RALB: variants seen among roughly 807,000 people sequenced by gnomAD.
RALB encodes RAS like proto-oncogene B, also known as ras-related protein Ral-B.
In RALB, 16 loss-of-function variants were observed where a neutral mutation model predicts 21.3. That is an observed-to-expected ratio of 0.75 (90% CI 0.51 to 1.14). The LOEUF (loss-of-function observed/expected upper bound fraction) is 1.14. Ranked by LOEUF, RALB falls within the 50% of genes most tolerant of loss-of-function variation. The pLI, the probability that RALB is intolerant of heterozygous loss-of-function variation, is 0.00. For synonymous variants in RALB, 93 were observed against 96.1 expected, an observed-to-expected ratio of 0.97 and a Z score of 0.19; for missense variants, 161 against 256.2, an observed-to-expected ratio of 0.63 and a Z score of 2.54.
intron 1 of RALB, among the ~76,000 whole-genome samples, chr2:120,263,397 G>A (rs1052580998): frequency 6.6e-6 from 1 of 152,020 alleles, no homozygotes; most frequent in Non-Finnish European, 1.5e-5. Flanking sequence ...GGGCTCAAGC[G>A]ATCTGCTTCT....
intron 1 of RALB, among the ~76,000 whole-genome samples, chr2:120,272,096 C>T (rs146255261): frequency 6.6e-5 from 10 of 152,180 alleles, no homozygotes; most frequent in Admixed American, 1.3e-4. Flanking sequence ...TGAGACAGGG[C>T]ACCAGCATGG....
intron 1 of RALB, among the ~76,000 whole-genome samples, chr2:120,241,249 C>T (rs531057587): frequency 6.6e-6 from 1 of 152,318 alleles, no homozygotes; most frequent in South Asian, 2.1e-4. Context: ...AGCCACAAGG[C>T]CCAAGGTCCC....
intron 1 of RALB, among the ~76,000 whole-genome samples, chr2:120,245,375 C>G (rs771026435): frequency 6.6e-6 from 1 of 152,244 alleles, no homozygotes; most frequent in South Asian, 2.1e-4. Context: ...TCACAGCTCC[C>G]TCTCAGGCTG....
At chr2:120,241,714 G>GAA (rs1244461807) in intron 1 of RALB, among the ~76,000 whole-genome samples, 1 of 151,156 alleles carries the variant, frequency 6.6e-6, no homozygotes, top group Non-Finnish European at 1.5e-5. Context: ...CAACAAGAGC[G>GAA]AAACTCCATC....
chr2:120,249,038 T>G (rs1443013489), upstream of RALB, among the ~76,000 whole-genome samples: 1 of 150,550 alleles, frequency 6.6e-6, no homozygotes, highest in Non-Finnish European at 1.5e-5. Flanking sequence ...GTTAGTCTTT[T>G]TTTTTTTTTT....
At chr2:120,241,341 T>C (rs147095047) in intron 1 of RALB, among the ~76,000 whole-genome samples, 57 of 152,270 alleles carry the variant, frequency 3.7e-4, no homozygotes, top group Non-Finnish European at 6.8e-4. Context: ...TGAAGATCCA[T>C]GGAGTGCCTG....
intron 3 of RALB, among the ~76,000 whole-genome samples, chr2:120,288,362 T>TTTTTTTTTTA (rs1690222381): frequency 6.8e-6 from 1 of 147,616 alleles, no homozygotes. Flanking sequence ...TTGTTTTTTT[T>TTTTTTTTTTA]TTTGTAGATA....
At chr2:120,282,952 T>C (rs923970746) in intron 2 of RALB, among the ~76,000 whole-genome samples, 1 of 152,156 alleles carries the variant, frequency 6.6e-6, no homozygotes, top group Non-Finnish European at 1.5e-5. Flanking sequence ...ATCATAATTT[T>C]TTAGCTCGAA....
intron 4 of RALB, among the ~76,000 whole-genome samples, chr2:120,290,647 C>G (rs1420453234): frequency 8.9e-6 from 1 of 112,422 alleles, no homozygotes; most frequent in Admixed American, 8.5e-5. Flanking sequence ...TTTTTTTTAT[C>G]TCTTATCCCA....
At chr2:120,265,410 G>A (rs1356490739) in intron 1 of RALB, among the ~76,000 whole-genome samples, 2 of 152,212 alleles carry the variant, frequency 1.3e-5, no homozygotes, top group Non-Finnish European at 2.9e-5. Context: ...TATGTGGTCT[G>A]TCATTGACTG....
Position 120,294,656 on chromosome 2 carries a change from T to G in RALB, c.*1396T>G. The G allele has an allele frequency of 6.0e-6, 1 of 165,484 alleles. No individual in the cohort carries two copies. The highest frequency in any genetic ancestry group is 1.3e-5 in the Non-Finnish European group (1 of 77,164). The allele number at this position is 165,484 out of a possible 1,614,324, so 10.3% of individuals were successfully genotyped here. ...GATCTGACTGGAAAACAATCCTGTA[T>G]CCCCTCCCAAAGAATCATGGGCTTT... On this transcript the variant is annotated 3_prime_UTR_variant, in exon 5 of 5. Transcript: ENST00000272519.
chr2:120,285,265 G>A lies in RALB; in HGVS notation c.115-609G>A, dbSNP rs538755051. Among the ~76,000 whole-genome samples the A allele has an allele frequency of 6.6e-5, 10 of 151,856 alleles. No individual in the cohort carries two copies. The South Asian group carries it at 2.1e-3, about 32-fold the overall frequency. ...TCACTATCACAAGAACAGCATAGGG[G>A]TACCGCCCCCATGATCTCATTGTCT... On this transcript the variant is annotated intron_variant, in intron 2 of 4. Coordinates refer to ENST00000272519, the MANE Select transcript of RALB (RefSeq NM_002881.3).
chr2:120,289,053 A>G (rs1232719159), intron 3 of RALB, among the ~76,000 whole-genome samples: 2 of 151,940 alleles, frequency 1.3e-5, no homozygotes, highest in Non-Finnish European at 2.9e-5. Context: ...TGCAGGGGGG[A>G]GAAACTGCTG....
chr2:120,267,528 A>G (rs995594944), intron 1 of RALB, among the ~76,000 whole-genome samples: 1 of 152,142 alleles, frequency 6.6e-6, no homozygotes, highest in African/African-American at 2.4e-5. Context: ...GGGTCTGGGT[A>G]TGAGATCGGG....
Position 120,252,953 on chromosome 2 carries a change from A to G in RALB, c.-75A>G. ...TTTAAGAGCTGCGGGCCGGGTGCGG[A>G]CGGCGGAGGCGGCGGGACTGGTCCC... On this transcript the variant is annotated 5_prime_UTR_variant, in exon 1 of 5. Transcript: ENST00000272519. The G allele has an allele frequency of 2.0e-6, 2 of 984,946 alleles. No homozygotes were observed. The highest frequency in any genetic ancestry group is 2.4e-6 in the Non-Finnish European group (2 of 830,166). 61.0% of individuals were successfully genotyped at this position (984,946 alleles called of 1,614,324 possible). A position where few individuals can be genotyped will look rare whatever the true frequency, so the allele number is the denominator to read the frequency against.
At chr2:120,254,220 C>T (rs1689137687) in intron 1 of RALB, among the ~76,000 whole-genome samples, 1 of 152,184 alleles carries the variant, frequency 6.6e-6, no homozygotes, top group Non-Finnish European at 1.5e-5. Flanking sequence ...GCTCCAGAGT[C>T]AGCAACTGTA....
intron 4 of RALB, among the ~76,000 whole-genome samples, chr2:120,292,692 C>T (rs925091013): frequency 2.6e-5 from 4 of 152,020 alleles, no homozygotes; most frequent in Non-Finnish European, 4.4e-5. Context: ...CAGTGGCTGA[C>T]GCCTGTAATC....
chr2:120,288,358 T>TTTTTC (rs1690222074), intron 3 of RALB, among the ~76,000 whole-genome samples: 1 of 144,998 alleles, frequency 6.9e-6, no homozygotes, highest in Admixed American at 6.8e-5. Flanking sequence ...TTTTTTGTTT[T>TTTTTC]TTTTTTTGTA....
chr2:120,244,328 G>A (rs964734974), intron 1 of RALB, among the ~76,000 whole-genome samples: 3 of 152,160 alleles, frequency 2.0e-5, no homozygotes, highest in Admixed American at 6.5e-5. Context: ...CGGCTCTGCC[G>A]AGACACATGA....
Sources: gnomAD v4.1 joint callset for allele counts (sites outside exome capture counted in the v4.1 genomes callset) on GRCh38, gnomAD v4.1.1 for gene constraint, MANE v1.5 for transcripts, NCBI Gene and HGNC (gene_info 2026-07-23, HGNC 2026-07-21) for gene names.